Variants in SNAPC1 observed in about 807,000 individuals in gnomAD.
SNAPC1 encodes the protein small nuclear RNA activating complex polypeptide 1.
Under a neutral mutation model 50.1 loss-of-function variants are expected in SNAPC1, and 42 were observed. The ratio of observed to expected loss-of-function variants is 0.84; its 90% confidence interval spans 0.65 to 1.08. The LOEUF (loss-of-function observed/expected upper bound fraction) is 1.08, where lower values mean the gene tolerates loss of function less well. SNAPC1 is among the 50% of genes least tolerant of loss of function. The pLI is 0.00. For synonymous variants in SNAPC1, 164 were observed against 144.2 expected, an observed-to-expected ratio of 1.14 and a Z score of -0.98; for missense variants, 477 against 427.3, an observed-to-expected ratio of 1.12 and a Z score of -1.02.
intron 4 of SNAPC1, among the ~76,000 whole-genome samples, chr14:61,770,869 G>A (rs1027935619): frequency 6.6e-6 from 1 of 152,044 alleles, no homozygotes; most frequent in African/African-American, 2.4e-5. Flanking sequence ...AGCCTCTCGA[G>A]TAGCTGGGAC....
chr14:61,769,393 G>GTTTT lies in SNAPC1; in HGVS notation c.534+670_534+673dup, dbSNP rs766718835. Among the ~76,000 whole-genome samples the GTTTT allele has an allele frequency of 2.3e-3, 263 of 116,364 alleles. 10 individuals carry two copies. Among genetic ancestry groups the GTTTT allele is most frequent in the African/African-American group, 6.0e-3 (188 of 31,282 alleles). The allele number at this position is 116,364 out of a possible 152,430, so 76.3% of individuals were successfully genotyped here. ...AACCAATGTGCATTTATTTCCTGAG[G>GTTTT]TTTTTTTTTTTTTTTTTTTTCTCAC... On this transcript the variant is annotated intron_variant, in intron 4 of 9. Transcript: ENST00000216294.
At chr14:61,786,909 C>T (rs780899889) in intron 8 of SNAPC1, among the ~76,000 whole-genome samples, 3 of 152,236 alleles carry the variant, frequency 2.0e-5, no homozygotes, top group African/African-American at 7.2e-5. Flanking sequence ...AATCCTTCCA[C>T]TGCTGATTGG....
At chr14:61,782,814 G>A (rs1181858239) in intron 8 of SNAPC1, among the ~76,000 whole-genome samples, 1 of 152,006 alleles carries the variant, frequency 6.6e-6, no homozygotes, top group Non-Finnish European at 1.5e-5. Flanking sequence ...GCTGAGGCAC[G>A]AGAATTGCTT....
intron 4 of SNAPC1, among the ~76,000 whole-genome samples, chr14:61,774,949 C>T (rs1272611816): frequency 6.6e-6 from 1 of 151,994 alleles, no homozygotes; most frequent in Non-Finnish European, 1.5e-5. Context: ...AGGAGTCAGC[C>T]ACTGTGCCTG....
At chr14:61,765,664 G>A (rs574794836) in intron 1 of SNAPC1, among the ~76,000 whole-genome samples, 1 of 152,236 alleles carries the variant, frequency 6.6e-6, no homozygotes, top group African/African-American at 2.4e-5. Context: ...GAATGGGAGA[G>A]GTTTGCCCTA....
At chr14:61,791,490 C>A (rs1410717033) in intron 8 of SNAPC1, among the ~76,000 whole-genome samples, 5 of 152,062 alleles carry the variant, frequency 3.3e-5, no homozygotes, top group African/African-American at 1.2e-4. Context: ...ATTTAATTTT[C>A]TCCTGACAAG....
chr14:61,790,580 A>G (rs3783750), intron 8 of SNAPC1, among the ~76,000 whole-genome samples: 18,580 of 152,118 alleles, frequency 0.12, 1,388 homozygotes, highest in Non-Finnish European at 0.16. Context: ...TAAATAATCC[A>G]CCCACCTCAG....
At chr14:61,787,939 GA>G (rs1297271480) in intron 8 of SNAPC1, among the ~76,000 whole-genome samples, 3 of 151,552 alleles carry the variant, frequency 2.0e-5, no homozygotes, top group South Asian at 2.1e-4. Context: ...TTGAAGACCT[GA>G]AAAAAAAATT....
intron 8 of SNAPC1, among the ~76,000 whole-genome samples, chr14:61,782,876 A>G (rs2045086639): frequency 6.6e-6 from 1 of 152,168 alleles, no homozygotes; most frequent in African/African-American, 2.4e-5. Flanking sequence ...ACTTCACTCC[A>G]GCATAGGTGA....
chr14:61,793,590 C>G (rs1467804294), intron 9 of SNAPC1, among the ~76,000 whole-genome samples: 2 of 151,256 alleles, frequency 1.3e-5, no homozygotes, highest in Non-Finnish European at 2.9e-5. Context: ...TGTCTTTTCT[C>G]TTTTTCTTTT....
Position 61,765,913 on chromosome 14 carries a change from TTC to T in SNAPC1, c.129-959_129-958del, listed in dbSNP as rs576796541. ...AGGAGTGCGGGTTACTTTGTGCTGTTTCTCTATCTTTTTCGCCTCGGCTTCGC... is the reference window on the plus strand; with the variant it reads ...AGGAGTGCGGGTTACTTTGTGCTGTTTCTATCTTTTTCGCCTCGGCTTCGC... On this transcript the variant is annotated intron_variant, in intron 1 of 9. Transcript: ENST00000216294. 1.2e-4 allele frequency among the ~76,000 whole-genome samples: 19 copies of T among 152,338 alleles called. No individual in the cohort carries two copies. In the East Asian group the frequency reaches 3.7e-3, roughly 29 times the overall value.
At chr14:61,769,771 G>A (rs931014769) in intron 4 of SNAPC1, among the ~76,000 whole-genome samples, 8 of 151,996 alleles carry the variant, frequency 5.3e-5, no homozygotes, top group African/African-American at 4.8e-5. Context: ...ATATATTTTC[G>A]TATTTTGTTT....
chr14:61,773,695 CTT>C lies in SNAPC1; in HGVS notation c.535-2387_535-2386del, dbSNP rs58541226. ...GCAGGCGCGGGCCACCATGCCTGGCCTTTTTTTTTTTTTTATTTTTTAAGGCA... is the reference window on the plus strand; with the variant it reads ...GCAGGCGCGGGCCACCATGCCTGGCCTTTTTTTTTTTTATTTTTTAAGGCA... On this transcript the variant is annotated intron_variant, in intron 4 of 9. Coordinates refer to ENST00000216294, the MANE Select transcript of SNAPC1 (RefSeq NM_003082.4). Among the ~76,000 whole-genome samples the C allele has an allele frequency of 7.1e-3, 967 of 136,396 alleles. 10 individuals are homozygous for C. Among genetic ancestry groups the C allele is most frequent in the African/African-American group, 0.025 (908 of 36,584 alleles). The allele number at this position is 136,396 out of a possible 152,430, so 89.5% of individuals were successfully genotyped here. A position where few individuals can be genotyped will look rare whatever the true frequency, so the allele number is the denominator to read the frequency against.
chr14:61,786,758 C>G (rs1375113652), intron 8 of SNAPC1, among the ~76,000 whole-genome samples: 2 of 152,176 alleles, frequency 1.3e-5, no homozygotes, highest in African/African-American at 4.8e-5. Context: ...AAAAGGTAAA[C>G]GTGTACTTAC....
rs1201851171 is a variant in SNAPC1, at chr14:61,783,016, CATTTT to C, written c.976+620_976+624del. ...GAAATCAGTCTAGAATTTTCCAGTG[CATTTT>C]TTTTTTTTTTTTTTTTTTGAGAGGG... On this transcript the variant is annotated intron_variant, in intron 8 of 9. Coordinates refer to ENST00000216294, the MANE Select transcript of SNAPC1 (RefSeq NM_003082.4). 2.5e-4 allele frequency among the ~76,000 whole-genome samples: 31 copies of C among 125,944 alleles called. 2 individuals carry two copies. Among genetic ancestry groups the C allele is most frequent in the Admixed American group, 2.4e-3 (30 of 12,572 alleles). The allele number at this position is 125,944 out of a possible 152,430, so 82.6% of individuals were successfully genotyped here.
intron 1 of SNAPC1, among the ~76,000 whole-genome samples, chr14:61,766,582 G>A (rs2044950045): frequency 6.6e-6 from 1 of 152,162 alleles, no homozygotes; most frequent in African/African-American, 2.4e-5. Context: ...ACATAACCAT[G>A]ATTATTTTAA....
intron 8 of SNAPC1, among the ~76,000 whole-genome samples, chr14:61,783,768 G>C (rs1357092637): frequency 1.3e-5 from 2 of 151,958 alleles, no homozygotes; most frequent in African/African-American, 4.8e-5. Context: ...TTGAACTCCT[G>C]ACTTCGTGAT....
chr14:61,773,397 G>GTTTT (rs58782943), intron 4 of SNAPC1, among the ~76,000 whole-genome samples: 18 of 99,302 alleles, frequency 1.8e-4, no homozygotes, highest in East Asian at 3.0e-4. Flanking sequence ...TATTTCCTTA[G>GTTTT]TTTTTTTTTT....
chr14:61,765,980 G>A (rs951966466), intron 1 of SNAPC1, among the ~76,000 whole-genome samples: 2 of 152,110 alleles, frequency 1.3e-5, no homozygotes, highest in Non-Finnish European at 2.9e-5. Flanking sequence ...TGAGAGTATT[G>A]GAGAAAATGT....
Sources: allele counts gnomAD v4.1 joint callset (sites outside exome capture counted in the v4.1 genomes callset), GRCh38; gene constraint gnomAD v4.1.1; transcripts MANE v1.5; gene names NCBI Gene and HGNC (gene_info 2026-07-23, HGNC 2026-07-21).